CDH4: variants seen among roughly 807,000 people sequenced by gnomAD.
CDH4 encodes cadherin-4.
A neutral mutation model predicts 86.0 loss-of-function variants in CDH4; 33 were observed. That is an observed-to-expected ratio of 0.38 (90% CI 0.29 to 0.51). The LOEUF (loss-of-function observed/expected upper bound fraction) is 0.51. CDH4 is among the 20% of genes least tolerant of loss of function. The pLI, the probability that CDH4 is intolerant of heterozygous loss-of-function variation, is 0.86. For missense variants in CDH4, 1,114 were observed against 1,307.4 expected (o/e 0.85, Z 2.28); for synonymous variants, 555 against 549.4 (o/e 1.01, Z -0.14).
At chr20:61,846,149 T>G (rs59437096) in intron 5 of CDH4, among the ~76,000 whole-genome samples, 2 of 152,320 alleles carry the variant, frequency 1.3e-5, no homozygotes, top group African/African-American at 4.8e-5. Flanking sequence ...GGGAGCCCAC[T>G]TGGGAGGTGG....
intron 9 of CDH4, among the ~76,000 whole-genome samples, chr20:61,914,585 G>A (rs1158765112): frequency 1.0e-5 from 1 of 95,800 alleles, no homozygotes; most frequent in East Asian, 2.5e-4. Context: ...CTCAGATCTT[G>A]CAGGCCCCAT....
At position 61,582,121 on chromosome 20, in the gene CDH4, G is replaced by A. The variant is rs1600779403; in HGVS notation, c.170-161442G>A. ...TTGCTCGTGGCCATCATTACCATTG[G>A]CGGCATGCTGCCCATGCCTTGTGTG... is the stretch of plus-strand genomic sequence containing the variant. On this transcript the variant is annotated intron_variant, in intron 2 of 15. Coordinates refer to ENST00000614565, the MANE Select transcript of CDH4 (RefSeq NM_001794.5). The surrounding 1 kb of genome is among the most constrained non-coding windows in gnomAD (Gnocchi z 4.2). Among the ~76,000 whole-genome samples the A allele has an allele frequency of 6.6e-6, 1 of 152,344 alleles. No individual in the cohort carries two copies. The highest frequency in any genetic ancestry group is 1.9e-4 in the East Asian group (1 of 5,172).
chr20:61,442,799 G>C (rs766409699), intron 2 of CDH4, among the ~76,000 whole-genome samples: 8 of 152,216 alleles, frequency 5.3e-5, no homozygotes, highest in Non-Finnish European at 1.2e-4. Context: ...AAATACACAC[G>C]TGTGGGAATG....
intron 2 of CDH4, among the ~76,000 whole-genome samples, chr20:61,679,483 C>T (rs973521146): frequency 6.6e-6 from 1 of 152,184 alleles, no homozygotes. Flanking sequence ...CAAGAAAACA[C>T]AGAAGGCTCC....
At chr20:61,775,865 A>G (rs965929409) in intron 4 of CDH4, among the ~76,000 whole-genome samples, 1 of 152,104 alleles carries the variant, frequency 6.6e-6, no homozygotes, top group African/African-American at 2.4e-5. Context: ...GAAAGGTGGG[A>G]ATTTCTTCCT....
intron 7 of CDH4, among the ~76,000 whole-genome samples, chr20:61,880,114 CTTTAG>C (rs1384894074): frequency 6.6e-6 from 1 of 152,216 alleles, no homozygotes; most frequent in Non-Finnish European, 1.5e-5. Context: ...CCACCATCGA[CTTTAG>C]TTAATGTATT....
At chr20:61,400,788 C>T (rs1389210630) in intron 2 of CDH4, among the ~76,000 whole-genome samples, 1 of 152,228 alleles carries the variant, frequency 6.6e-6, no homozygotes, top group Admixed American at 6.5e-5. Flanking sequence ...CTGGCCCCAC[C>T]TCCGCTGGTA....
At chr20:61,314,175 C>T (rs2084463456) in intron 2 of CDH4, among the ~76,000 whole-genome samples, 3 of 152,198 alleles carry the variant, frequency 2.0e-5, no homozygotes, top group Non-Finnish European at 4.4e-5. Flanking sequence ...ATTAACCATA[C>T]AGTGTTGCTA....
chr20:61,547,213 T>TC (rs1568887273), intron 2 of CDH4, among the ~76,000 whole-genome samples: 1 of 91,106 alleles, frequency 1.1e-5, no homozygotes, highest in East Asian at 2.9e-4. Context: ...TTTTTTTTTT[T>TC]TTTTTTTTTT....
At chr20:61,776,853 G>A (rs535835945) in intron 4 of CDH4, among the ~76,000 whole-genome samples, 5 of 152,322 alleles carry the variant, frequency 3.3e-5, no homozygotes, top group East Asian at 3.9e-4. Flanking sequence ...ACATGACCAC[G>A]TCTAATTGTA....
At chr20:61,882,634 C>T (rs1984333654) in intron 7 of CDH4, among the ~76,000 whole-genome samples, 1 of 152,174 alleles carries the variant, frequency 6.6e-6, no homozygotes, top group Non-Finnish European at 1.5e-5. Flanking sequence ...CCAGGATGCT[C>T]CCTGAGTCAC....
chr20:61,695,605 C>T (rs2087707167), intron 2 of CDH4, among the ~76,000 whole-genome samples: 1 of 152,152 alleles, frequency 6.6e-6, no homozygotes, highest in Admixed American at 6.5e-5. Flanking sequence ...CATGGCGGTG[C>T]TTTTGTGCTG....
chr20:61,760,578 G>A (rs913614373), intron 3 of CDH4, among the ~76,000 whole-genome samples: 3 of 151,850 alleles, frequency 2.0e-5, no homozygotes, highest in Non-Finnish European at 4.4e-5. Context: ...CTGGCTTCCC[G>A]CCCCTACTCC....
At chr20:61,864,236 C>CAGGG (rs1191595608) in intron 6 of CDH4, among the ~76,000 whole-genome samples, 1 of 152,208 alleles carries the variant, frequency 6.6e-6, no homozygotes, top group Non-Finnish European at 1.5e-5. Flanking sequence ...TGGCGTTGAG[C>CAGGG]CCTGTGTGCT....
In CDH4 at chr20:61,670,164, A is replaced by G. The variant is rs116586073; in HGVS notation, c.170-73399A>G. 5.1e-3 allele frequency among the ~76,000 whole-genome samples: 773 copies of G among 152,284 alleles called. 5 individuals are homozygous for G. Among genetic ancestry groups the G allele is most frequent in the African/African-American group, 0.017 (720 of 41,544 alleles). ...GCTGCCACATGACATGCAGGGAAAT[A>G]TGGATTTCAGGAATGGCTAGACTCA... On this transcript the variant is annotated intron_variant, in intron 2 of 15. Coordinates refer to ENST00000614565, the MANE Select transcript of CDH4 (RefSeq NM_001794.5).
chr20:61,410,618 C>G (rs2085113400), intron 2 of CDH4, among the ~76,000 whole-genome samples: 2 of 138,806 alleles, frequency 1.4e-5, no homozygotes, highest in Admixed American at 6.8e-5. Context: ...CCTCCATCTT[C>G]CATTCCTCCC....
At chr20:61,325,502 G>C (rs2084532178) in intron 2 of CDH4, among the ~76,000 whole-genome samples, 1 of 151,966 alleles carries the variant, frequency 6.6e-6, no homozygotes, top group South Asian at 2.1e-4. Flanking sequence ...CGGGAGGGGT[G>C]TGTTTTGGGG....
At chr20:61,292,064 A>T (rs1433573886) in intron 2 of CDH4, among the ~76,000 whole-genome samples, 1 of 152,208 alleles carries the variant, frequency 6.6e-6, no homozygotes, top group Non-Finnish European at 1.5e-5. Flanking sequence ...ATGTCCCTGC[A>T]AGCAGTATGG....
chr20:61,637,997 C>T (rs1279380011), intron 2 of CDH4, among the ~76,000 whole-genome samples: 1 of 143,270 alleles, frequency 7.0e-6, no homozygotes, highest in East Asian at 2.1e-4. Context: ...TGCCACTGCA[C>T]TCCAGCCTGG....
Sources: allele counts gnomAD v4.1 joint callset (sites outside exome capture counted in the v4.1 genomes callset), GRCh38; gene constraint gnomAD v4.1.1; non-coding constraint Gnocchi (gnomAD v3.1); transcripts MANE v1.5; gene names NCBI Gene and HGNC (gene_info 2026-07-23, HGNC 2026-07-21).